Variants in SDK1 observed in about 807,000 individuals in gnomAD.
SDK1 encodes sidekick cell adhesion molecule 1.
In SDK1, 157 loss-of-function variants were observed where a neutral mutation model predicts 245.5. The observed-to-expected ratio is 0.64, with a 90% CI of 0.56 to 0.73. SDK1 has a LOEUF of 0.73. Ranked by LOEUF, SDK1 falls within the 30% of genes least tolerant of loss-of-function variation. SDK1 has a pLI of 0.00. For synonymous variants in SDK1, 1,647 were observed against 1,278.5 expected, an observed-to-expected ratio of 1.29 and a Z score of -6.15; for missense variants, 3,583 against 3,002.3, an observed-to-expected ratio of 1.19 and a Z score of -4.52.
chr7:3,382,065 A>G (rs968482100), intron 1 of SDK1, among the ~76,000 whole-genome samples: 4 of 152,188 alleles, frequency 2.6e-5, no homozygotes, highest in African/African-American at 9.7e-5. Flanking sequence ...CCTATGCACA[A>G]GAAAAACCTA....
At chr7:3,666,382 C>T (rs1476175115) in intron 4 of SDK1, among the ~76,000 whole-genome samples, 2 of 152,212 alleles carry the variant, frequency 1.3e-5, no homozygotes, top group Non-Finnish European at 2.9e-5. Context: ...CCTGGAATGC[C>T]ATCACCATGC....
intron 5 of SDK1, among the ~76,000 whole-genome samples, chr7:3,894,761 C>T (rs1041432589): frequency 5.4e-5 from 8 of 147,026 alleles, no homozygotes; most frequent in African/African-American, 1.8e-4. Flanking sequence ...TGCAGTGATG[C>T]AATCTCGGTT....
chr7:3,470,382 T>G (rs1781143995), intron 1 of SDK1, among the ~76,000 whole-genome samples: 1 of 152,166 alleles, frequency 6.6e-6, no homozygotes, highest in Admixed American at 6.5e-5. Context: ...TATTTAAAGA[T>G]CTCATGAACA....
rs541635798 is a variant in SDK1, at chr7:4,234,735, G to C, written c.5992+1316G>C. Among the ~76,000 whole-genome samples the C allele has an allele frequency of 1.1e-3, 175 of 152,302 alleles. 1 individual carries two copies. Among genetic ancestry groups the C allele is most frequent in the Non-Finnish European group, 1.9e-3 (131 of 68,032 alleles). On this transcript the variant is annotated intron_variant, in intron 41 of 44. Transcript: ENST00000404826. ...CAGTGACTTCCGTGGCTCCAGGCGT[G>C]ACTTTCTTTACCCCGCGATGATTCT... is the stretch of plus-strand genomic sequence containing the variant.
intron 1 of SDK1, among the ~76,000 whole-genome samples, chr7:3,335,259 A>G (rs1452142743): frequency 6.6e-6 from 1 of 152,198 alleles, no homozygotes; most frequent in East Asian, 1.9e-4. Context: ...GCTGTGGCCT[A>G]CAAGGTTCTG....
At chr7:4,121,682 C>T (rs58903631) in intron 25 of SDK1, among the ~76,000 whole-genome samples, 1 of 152,112 alleles carries the variant, frequency 6.6e-6, no homozygotes, top group Non-Finnish European at 1.5e-5. Context: ...TGCAGAATCC[C>T]CTGTATCAGC....
At chr7:3,528,856 C>T (rs1783243363) in intron 1 of SDK1, among the ~76,000 whole-genome samples, 1 of 151,994 alleles carries the variant, frequency 6.6e-6, no homozygotes, top group African/African-American at 2.4e-5. Flanking sequence ...GAAAATGAGC[C>T]CCATTTGGGC....
At chr7:4,030,242 A>G (rs537558503) in intron 17 of SDK1, among the ~76,000 whole-genome samples, 22 of 152,380 alleles carry the variant, frequency 1.4e-4, no homozygotes, top group African/African-American at 5.0e-4. Context: ...TGTTCCTCCT[A>G]TCATAGTCAA....
At chr7:3,804,775 T>A (rs1779198264) in intron 4 of SDK1, among the ~76,000 whole-genome samples, 1 of 152,226 alleles carries the variant, frequency 6.6e-6, no homozygotes, top group Admixed American at 6.5e-5. Context: ...GTTCTGTACG[T>A]ATTTGCTAGG....
At chr7:3,543,230 C>T (rs904774006) in intron 1 of SDK1, among the ~76,000 whole-genome samples, 9 of 152,224 alleles carry the variant, frequency 5.9e-5, no homozygotes, top group African/African-American at 2.2e-4. Flanking sequence ...GAGAACTTGC[C>T]ATTGAAATGG....
At chr7:3,716,244 G>C (rs1481348555) in intron 4 of SDK1, among the ~76,000 whole-genome samples, 1 of 151,746 alleles carries the variant, frequency 6.6e-6, no homozygotes, top group Admixed American at 6.6e-5. Flanking sequence ...AGAAATAATA[G>C]GTGAAAGCTT....
chr7:3,720,147 T>C (rs1339259129), intron 4 of SDK1, among the ~76,000 whole-genome samples: 1 of 151,816 alleles, frequency 6.6e-6, no homozygotes, highest in East Asian at 1.9e-4. Flanking sequence ...AACCAGCCAC[T>C]CGGGAGGCTG....
chr7:3,589,035 T>C (rs1780776191), intron 1 of SDK1, among the ~76,000 whole-genome samples: 1 of 152,210 alleles, frequency 6.6e-6, no homozygotes, highest in African/African-American at 2.4e-5. Context: ...TCATATTAGA[T>C]CAATATTAGC....
intron 5 of SDK1, among the ~76,000 whole-genome samples, chr7:3,937,591 G>A (rs1323529055): frequency 6.6e-6 from 1 of 152,226 alleles, no homozygotes; most frequent in Non-Finnish European, 1.5e-5. Context: ...ACGGATCTAA[G>A]AATCTTAGCC....
intron 4 of SDK1, among the ~76,000 whole-genome samples, chr7:3,792,702 A>G (rs929041688): frequency 6.8e-6 from 1 of 147,324 alleles, no homozygotes; most frequent in African/African-American, 2.7e-5. Context: ...CCATCCATCC[A>G]TCCATCCATC....
At chr7:3,657,322 AG>A (rs1487070771) in intron 4 of SDK1, among the ~76,000 whole-genome samples, 1 of 152,182 alleles carries the variant, frequency 6.6e-6, no homozygotes, top group African/African-American at 2.4e-5. Context: ...GTGCTGTCAC[AG>A]TTGGCACCCA....
chr7:3,956,205 C>T (rs764627788), intron 7 of SDK1, among the ~76,000 whole-genome samples: 1 of 152,176 alleles, frequency 6.6e-6, no homozygotes, highest in African/African-American at 2.4e-5. Context: ...ATGCCCTCGC[C>T]CTCTTGCCCT....
chr7:3,549,172 A>C (rs1338456425), intron 1 of SDK1, among the ~76,000 whole-genome samples: 1 of 152,244 alleles, frequency 6.6e-6, no homozygotes, highest in Non-Finnish European at 1.5e-5. Flanking sequence ...CTTTCATGCA[A>C]ACAGTTCTTT....
intron 4 of SDK1, among the ~76,000 whole-genome samples, chr7:3,810,951 T>C (rs942562473): frequency 1.2e-4 from 18 of 152,212 alleles, no homozygotes; most frequent in African/African-American, 4.1e-4. Context: ...ATGACTCTAA[T>C]GTGATAATTC....
Sources: gnomAD v4.1 joint callset for allele counts (sites outside exome capture counted in the v4.1 genomes callset) on GRCh38, gnomAD v4.1.1 for gene constraint, MANE v1.5 for transcripts, NCBI Gene and HGNC (gene_info 2026-07-23, HGNC 2026-07-21) for gene names.